The following VOPP1 variants were observed in gnomAD, a reference collection of about 807,000 sequenced individuals.
The protein encoded by VOPP1 is VOPP1 WW domain binding protein, also known as WW domain binding protein VOPP1.
VOPP1 carries 8 observed loss-of-function variants against 23.5 expected under a neutral mutation model. The observed-to-expected ratio is 0.34, with a 90% CI of 0.20 to 0.61. VOPP1 has a LOEUF of 0.61. Among genes scored for constraint, VOPP1 ranks in the 20% least tolerant of loss-of-function variants. The pLI is 0.78. For synonymous variants in VOPP1, 83 were observed against 97.3 expected, an observed-to-expected ratio of 0.85 and a Z score of 0.86; for missense variants, 174 against 238.1, an observed-to-expected ratio of 0.73 and a Z score of 1.77.
At chr7:55,476,198 T>A (rs986576220) in intron 4 of VOPP1, among the ~76,000 whole-genome samples, 2 of 152,048 alleles carry the variant, frequency 1.3e-5, no homozygotes, top group Non-Finnish European at 2.9e-5. Context: ...AATGCTGGAG[T>A]CATTTTACTT....
intron 4 of VOPP1, among the ~76,000 whole-genome samples, chr7:55,461,001 T>C (rs1253201099): frequency 6.6e-6 from 1 of 151,922 alleles, no homozygotes; most frequent in Non-Finnish European, 1.5e-5. Context: ...TATACATATA[T>C]TATATATGTG....
chr7:55,468,271 G>GA (rs747918983), downstream of VOPP1, among the ~76,000 whole-genome samples: 2,816 of 54,080 alleles, frequency 0.052, 46 homozygotes, highest in African/African-American at 0.08. Context: ...CTTCGTCTCA[G>GA]AAAAAAAAAA....
intron 2 of VOPP1, among the ~76,000 whole-genome samples, chr7:55,514,393 A>C (rs1431239321): frequency 6.6e-6 from 1 of 152,226 alleles, no homozygotes. Context: ...GCCCAAGATC[A>C]CACTACAACC....
Position 55,494,547 on chromosome 7 carries a change from C to T in VOPP1, c.192-2129G>A, listed in dbSNP as rs574296472. On this transcript the variant is annotated intron_variant, in intron 3 of 4. Coordinates refer to ENST00000285279, the MANE Select transcript of VOPP1 (RefSeq NM_030796.5). Reference sequence around the variant, plus strand: ...AGACTAATGGTGAGCAAGCATAAGGCGAGGCTGGAATGGAGTTACACGGGA... The same window carrying T: ...AGACTAATGGTGAGCAAGCATAAGGTGAGGCTGGAATGGAGTTACACGGGA... 4.6e-5 allele frequency among the ~76,000 whole-genome samples: 7 copies of T among 152,192 alleles called. No homozygotes were observed. In the South Asian group the frequency reaches 1.5e-3, roughly 32 times the overall value.
intron 4 of VOPP1, among the ~76,000 whole-genome samples, chr7:55,446,478 G>A (rs1791104909): frequency 6.6e-6 from 1 of 152,162 alleles, no homozygotes. Context: ...TGTCAGCCTG[G>A]ATGCTACATC....
At chr7:55,473,110 A>G in intron 4 of VOPP1, 65 bp from the exon 5 acceptor site, 1 of 1,549,022 alleles carries the variant, frequency 6.5e-7, no homozygotes, top group South Asian at 1.2e-5. Flanking sequence ...AAGTATGTGC[A>G]GGCTGCAGGG....
At chr7:55,464,294 C>T (rs1339297342) in intron 4 of VOPP1, among the ~76,000 whole-genome samples, 1 of 152,174 alleles carries the variant, frequency 6.6e-6, no homozygotes, top group Non-Finnish European at 1.5e-5. Flanking sequence ...ATGGTGCATG[C>T]ACTTGCCAGC....
chr7:55,477,548 G>A (rs1380836596), intron 4 of VOPP1, among the ~76,000 whole-genome samples: 1 of 152,212 alleles, frequency 6.6e-6, no homozygotes, highest in Non-Finnish European at 1.5e-5. Flanking sequence ...TGAGGGAGGG[G>A]CGGGAGTGTG....
intron 4 of VOPP1, among the ~76,000 whole-genome samples, chr7:55,458,361 C>A (rs1224849297): frequency 6.6e-6 from 1 of 152,090 alleles, no homozygotes; most frequent in Non-Finnish European, 1.5e-5. Context: ...TGTGATGCTT[C>A]CAGCTTTTTC....
chr7:55,560,093 T>C lies in VOPP1; in HGVS notation c.54+12178A>G, dbSNP rs561590949. ...ACTTGAACCTGGGAGGCAGAGGTTG[T>C]AGTGAGCCAAGATCATGCCACTGCA... On this transcript the variant is annotated intron_variant, in intron 1 of 4. Coordinates refer to ENST00000285279, the MANE Select transcript of VOPP1 (RefSeq NM_030796.5). Among the ~76,000 whole-genome samples, 3 of 152,256 alleles carry C rather than the reference T, an allele frequency of 2.0e-5. No homozygotes were observed. In the South Asian group the frequency reaches 6.2e-4, roughly 32 times the overall value.
At chr7:55,460,349 T>TA (rs1335018414) in intron 4 of VOPP1, among the ~76,000 whole-genome samples, 1 of 152,210 alleles carries the variant, frequency 6.6e-6, no homozygotes, top group Admixed American at 6.5e-5. Flanking sequence ...AGCTTTTGGA[T>TA]AAAATAAAAT....
chr7:55,464,883 G>GC (rs1470715475), intron 4 of VOPP1, among the ~76,000 whole-genome samples: 6 of 152,350 alleles, frequency 3.9e-5, no homozygotes, highest in African/African-American at 1.4e-4. Flanking sequence ...ACTTGAGGAT[G>GC]CTCCTTAGAC....
chr7:55,452,657 A>C (rs1291434975), intron 4 of VOPP1, among the ~76,000 whole-genome samples: 1 of 152,234 alleles, frequency 6.6e-6, no homozygotes, highest in Non-Finnish European at 1.5e-5. Context: ...TGAAAACAAC[A>C]ATAATCTTCT....
intron 2 of VOPP1, among the ~76,000 whole-genome samples, chr7:55,506,716 G>A (rs1389184467): frequency 6.6e-6 from 1 of 151,908 alleles, no homozygotes; most frequent in African/African-American, 2.4e-5. Context: ...TTGGTTCACT[G>A]CAGCCTCTGC....
intron 3 of VOPP1, 85 bp downstream of exon 3, chr7:55,497,528 C>T (rs189209170): frequency 2.8e-5 from 35 of 1,242,354 alleles, no homozygotes; most frequent in Admixed American, 3.7e-5. Context: ...GTGAAGGTGT[C>T]GCATCCAAGG....
At chr7:55,457,081 G>A (rs116490264) in intron 4 of VOPP1, among the ~76,000 whole-genome samples, 293 of 152,044 alleles carry the variant, frequency 1.9e-3, no homozygotes, top group African/African-American at 6.5e-3. Context: ...TCGTGACACC[G>A]TGTCGCCCCA....
intron 4 of VOPP1, among the ~76,000 whole-genome samples, chr7:55,449,675 C>A (rs1791193723): frequency 6.6e-6 from 1 of 152,186 alleles, no homozygotes; most frequent in African/African-American, 2.4e-5. Flanking sequence ...GAGCTCCGAC[C>A]AGGTTCCTGC....
chr7:55,540,675 C>T lies in VOPP1; in HGVS notation c.55-19545G>A, dbSNP rs145683030. 1.2e-3 allele frequency among the ~76,000 whole-genome samples: 190 copies of T among 152,326 alleles called. 1 individual carries two copies. The highest frequency in any genetic ancestry group is 4.5e-3 in the African/African-American group (186 of 41,574). ...GGACTCAGGGCTCCTCCAGACACCACGGGCGCTGCCCTCACAGAGCACTCA... is the reference window on the plus strand; with the variant it reads ...GGACTCAGGGCTCCTCCAGACACCATGGGCGCTGCCCTCACAGAGCACTCA... On this transcript the variant is annotated intron_variant, in intron 1 of 4. Coordinates refer to ENST00000285279, the MANE Select transcript of VOPP1 (RefSeq NM_030796.5).
chr7:55,523,638 A>G (rs1796006611), intron 1 of VOPP1, among the ~76,000 whole-genome samples: 1 of 152,190 alleles, frequency 6.6e-6, no homozygotes, highest in South Asian at 2.1e-4. Context: ...CTTAGTGCCA[A>G]TGAACAACTC....
Sources: gnomAD v4.1 joint callset for allele counts (sites outside exome capture counted in the v4.1 genomes callset) on GRCh38, gnomAD v4.1.1 for gene constraint, MANE v1.5 for transcripts, NCBI Gene and HGNC (gene_info 2026-07-23, HGNC 2026-07-21) for gene names.